Variants in SRRM4 observed in about 807,000 individuals in gnomAD.
The protein encoded by SRRM4 is serine/arginine repetitive matrix 4.
Under a neutral mutation model 68.9 loss-of-function variants are expected in SRRM4, and 33 were observed. The observed-to-expected ratio is 0.48, with a 90% CI of 0.36 to 0.64. SRRM4 has a LOEUF of 0.64. SRRM4 is among the 30% of genes least tolerant of loss of function. The pLI is 0.00. For missense variants in SRRM4, 817 were observed against 827.1 expected (o/e 0.99, Z 0.15); for synonymous variants, 318 against 318.8 (o/e 1.00, Z 0.03).
chr12:119,120,065 A>G (rs1371519274), intron 4 of SRRM4, among the ~76,000 whole-genome samples, 185 bp from the exon 5 acceptor site: 2 of 151,678 alleles, frequency 1.3e-5, no homozygotes, highest in Non-Finnish European at 2.9e-5. Context: ...CAGGAAAAAA[A>G]AAAACTTTCA....
chr12:119,068,819 G>A (rs1953861038), intron 1 of SRRM4, among the ~76,000 whole-genome samples: 1 of 152,158 alleles, frequency 6.6e-6, no homozygotes. Context: ...GAAACAGAGA[G>A]GCGGGGGATG....
At chr12:119,104,363 C>T (rs1954094691) in intron 2 of SRRM4, among the ~76,000 whole-genome samples, 1 of 151,874 alleles carries the variant, frequency 6.6e-6, no homozygotes. Context: ...AGCATCTGGG[C>T]CTCTCACTCC....
In SRRM4 at chr12:119,015,497, C is replaced by T. The variant is rs183773892; in HGVS notation, c.131+33484C>T. On this transcript the variant is annotated intron_variant, in intron 1 of 12. Transcript: ENST00000267260. ...ATAAAACCCCAAGCTCCTGTCAAAG[C>T]CCCAGCCCCTACTTTCCTTCCTCTT... 3.3e-5 allele frequency among the ~76,000 whole-genome samples: 5 copies of T among 152,294 alleles called. No individual in the cohort carries two copies. In the East Asian group the frequency reaches 9.7e-4, roughly 29 times the overall value.
intron 8 of SRRM4, among the ~76,000 whole-genome samples, chr12:119,131,075 A>G (rs1330629056): frequency 6.6e-6 from 1 of 152,172 alleles, no homozygotes; most frequent in Non-Finnish European, 1.5e-5. Flanking sequence ...TATCAGGGGA[A>G]TGTTGACAAA....
At chr12:119,132,394 G>T (rs553600965) in intron 8 of SRRM4, 1 of 152,306 alleles carries the variant, frequency 6.6e-6, no homozygotes, top group South Asian at 2.1e-4. Context: ...GCATTAAGAG[G>T]TAGAGGAATG....
chr12:119,056,157 G>C (rs562684098), intron 1 of SRRM4, among the ~76,000 whole-genome samples: 2 of 152,126 alleles, frequency 1.3e-5, no homozygotes, highest in African/African-American at 4.8e-5. Flanking sequence ...GTACATCCTG[G>C]CTCCAAAACA....
chr12:119,158,262 A>T lies in SRRM4; in HGVS notation c.*1464A>T, dbSNP rs1954486664. Reference sequence around the variant, plus strand: ...AGTTTGTGGTGGCAACAGCAGCAGGACAGGGCACGGAGGGAGCGAGGGAGA... The same window carrying T: ...AGTTTGTGGTGGCAACAGCAGCAGGTCAGGGCACGGAGGGAGCGAGGGAGA... On this transcript the variant is annotated 3_prime_UTR_variant, in exon 13 of 13. Coordinates refer to ENST00000267260, the MANE Select transcript of SRRM4 (RefSeq NM_194286.4). 1 of 152,922 alleles carries T rather than the reference A, an allele frequency of 6.5e-6. No individual in the cohort carries two copies. The highest frequency in any genetic ancestry group is 1.5e-5 in the Non-Finnish European group (1 of 68,214). The allele number at this position is 152,922 out of a possible 1,614,324, so 9.5% of individuals were successfully genotyped here. A position where few individuals can be genotyped will look rare whatever the true frequency, so the allele number is the denominator to read the frequency against.
chr12:119,107,766 C>T (rs1193346278), intron 2 of SRRM4, among the ~76,000 whole-genome samples: 2 of 152,118 alleles, frequency 1.3e-5, no homozygotes, highest in African/African-American at 4.8e-5. Flanking sequence ...TTTCAAAAAA[C>T]CAGCTCCTGG....
At chr12:119,152,930 A>G (rs1954448723) in intron 10 of SRRM4, among the ~76,000 whole-genome samples, 1 of 152,228 alleles carries the variant, frequency 6.6e-6, no homozygotes, top group Admixed American at 6.5e-5. Context: ...CGTGAATTAA[A>G]TTTGGCTTAG....
At chr12:119,143,854 T>C (rs989933877) in intron 8 of SRRM4, among the ~76,000 whole-genome samples, 18 of 152,112 alleles carry the variant, frequency 1.2e-4, no homozygotes, top group African/African-American at 4.1e-4. Flanking sequence ...CTTAAGGGGG[T>C]GCCTTCTTGG....
intron 1 of SRRM4, among the ~76,000 whole-genome samples, chr12:119,057,530 C>G (rs1243192071): frequency 2.0e-5 from 3 of 152,184 alleles, no homozygotes; most frequent in African/African-American, 7.2e-5. Flanking sequence ...TTATCTTGTT[C>G]CATTTTATGG....
chr12:119,104,975 C>A (rs1296789696), intron 2 of SRRM4, among the ~76,000 whole-genome samples: 1 of 116,882 alleles, frequency 8.6e-6, no homozygotes, highest in African/African-American at 3.3e-5. Context: ...CCCCCTCCCC[C>A]CACCCCACAA....
chr12:119,079,983 C>A (rs1189832378), intron 1 of SRRM4, among the ~76,000 whole-genome samples: 1 of 150,890 alleles, frequency 6.6e-6, no homozygotes, highest in Non-Finnish European at 1.5e-5. Context: ...AATTGATTTT[C>A]TCCTTGATTT....
chr12:119,069,564 G>A (rs2136025539), intron 1 of SRRM4: 1 of 152,320 alleles, frequency 6.6e-6, no homozygotes, highest in Non-Finnish European at 1.5e-5. Flanking sequence ...GGAGAAAATG[G>A]GTGGCTGGGT....
At chr12:119,051,003 A>T (rs962659620) in intron 1 of SRRM4, among the ~76,000 whole-genome samples, 1 of 152,220 alleles carries the variant, frequency 6.6e-6, no homozygotes, top group Non-Finnish European at 1.5e-5. Flanking sequence ...GAAAGGTTGC[A>T]GAGCCAGAAC....
intron 5 of SRRM4, 102 bp downstream of exon 5, chr12:119,120,378 C>A: frequency 8.1e-7 from 1 of 1,234,568 alleles, no homozygotes; most frequent in Non-Finnish European, 1.1e-6. Flanking sequence ...TGCTCTTAGG[C>A]ATGACCCCTT....
At chr12:119,005,553 A>G (rs1953410946) in intron 1 of SRRM4, among the ~76,000 whole-genome samples, 1 of 152,196 alleles carries the variant, frequency 6.6e-6, no homozygotes, top group Non-Finnish European at 1.5e-5. Flanking sequence ...AGGGAGGTGT[A>G]TATTTACATC....
chr12:119,039,489 T>C (rs1366842034), intron 1 of SRRM4, among the ~76,000 whole-genome samples: 1 of 152,214 alleles, frequency 6.6e-6, no homozygotes, highest in Non-Finnish European at 1.5e-5. Context: ...ATTTGTTTGT[T>C]TAAGGAGTTT....
chr12:119,128,306 G>A (rs538152348), intron 7 of SRRM4, among the ~76,000 whole-genome samples: 5 of 152,152 alleles, frequency 3.3e-5, no homozygotes, highest in African/African-American at 4.8e-5. Context: ...CTGCTTCCTC[G>A]GCAGTCAGCC....
Sources: gnomAD v4.1 joint callset for allele counts (sites outside exome capture counted in the v4.1 genomes callset) on GRCh38, gnomAD v4.1.1 for gene constraint, MANE v1.5 for transcripts, NCBI Gene and HGNC (gene_info 2026-07-23, HGNC 2026-07-21) for gene names.